APBB2: variants seen among roughly 807,000 people sequenced by gnomAD.
APBB2 encodes amyloid beta precursor protein binding family B member 2.
A neutral mutation model predicts 82.5 loss-of-function variants in APBB2; 38 were observed. The ratio of observed to expected loss-of-function variants is 0.46; its 90% CI spans 0.36 to 0.60. The LOEUF is 0.60. APBB2 is among the 20% of genes least tolerant of loss of function. The pLI is 0.00. For missense variants in APBB2, 772 were observed against 972.3 expected, an observed-to-expected ratio of 0.79 and a Z score of 2.74; for synonymous variants, 341 against 368.2, an observed-to-expected ratio of 0.93 and a Z score of 0.85.
intron 1 of APBB2, among the ~76,000 whole-genome samples, chr4:41,205,858 G>T (rs1777807078): frequency 6.6e-6 from 1 of 152,180 alleles, no homozygotes; most frequent in African/African-American, 2.4e-5. Context: ...TGAGCACTGT[G>T]TAATTCTGTT....
chr4:41,181,698 C>T (rs778204732), intron 1 of APBB2, among the ~76,000 whole-genome samples: 1 of 152,068 alleles, frequency 6.6e-6, no homozygotes, highest in Non-Finnish European at 1.5e-5. Flanking sequence ...ATAATTCCAG[C>T]ACTTTGGGAG....
chr4:41,124,671 C>T (rs1330749576), intron 2 of APBB2, among the ~76,000 whole-genome samples: 1 of 152,140 alleles, frequency 6.6e-6, no homozygotes, highest in Admixed American at 6.5e-5. Context: ...ACATTCTACC[C>T]CATGAATCTG....
intron 3 of APBB2, among the ~76,000 whole-genome samples, chr4:41,083,015 A>T (rs1442872281): frequency 6.6e-6 from 1 of 152,072 alleles, no homozygotes. Context: ...ATACAAAAAA[A>T]TTAGCCAGGC....
At chr4:41,206,269 G>A (rs73232123) in intron 1 of APBB2, among the ~76,000 whole-genome samples, 12,153 of 152,198 alleles carry the variant, frequency 0.08, 693 homozygotes, top group Non-Finnish European at 0.12. Context: ...GGAGTCACTA[G>A]CCACAGCTCT....
In APBB2 at chr4:40,815,412, C is replaced by A. The variant is rs1217404394; in HGVS notation, c.*680G>T. 3.3e-5 allele frequency: 5 copies of A among 152,482 alleles called. No individual in the cohort carries two copies. The highest frequency in any genetic ancestry group is 9.7e-5 in the African/African-American group (4 of 41,412). 9.4% of individuals were successfully genotyped at this position (152,482 alleles called of 1,614,324 possible). A position where few individuals can be genotyped will look rare whatever the true frequency, so the allele number is the denominator to read the frequency against. ...GGCTATGTTTTGTTCGATTTTAATT[C>A]CTCGAATTTAGTTTTTCATCAATTT... On this transcript the variant is annotated 3_prime_UTR_variant, in exon 18 of 18. Coordinates refer to ENST00000508593, the MANE Select transcript of APBB2 (RefSeq NM_004307.2).
rs1211979375 is a variant in APBB2 at position 40,956,003 on chromosome 4, A to T, written c.836-10930T>A. 3.3e-5 allele frequency among the ~76,000 whole-genome samples: 5 copies of T among 152,092 alleles called. No individual in the cohort carries two copies. In the East Asian group the frequency reaches 7.8e-4, roughly 24 times the overall value. ...TGGCCAGGCTGGTCTCGAACTCCCG[A>T]CGTCATGTGATCCACCTACCTCGGC... is the stretch of plus-strand genomic sequence containing the variant. On this transcript the variant is annotated intron_variant, in intron 6 of 17. Transcript: ENST00000508593.
chr4:40,917,358 G>C (rs2154366147), intron 10 of APBB2, among the ~76,000 whole-genome samples: 1 of 152,206 alleles, frequency 6.6e-6, no homozygotes, highest in South Asian at 2.1e-4. Flanking sequence ...ACTTGCCCAA[G>C]GTCTCCCGGG....
chr4:41,201,996 G>C (rs900473929), intron 1 of APBB2, among the ~76,000 whole-genome samples: 36 of 152,292 alleles, frequency 2.4e-4, no homozygotes, highest in African/African-American at 8.7e-4. Flanking sequence ...CCCGCTCCTC[G>C]GAGCTTCAGA....
At chr4:41,054,589 C>G (rs566428846) in intron 4 of APBB2, among the ~76,000 whole-genome samples, 1 of 152,172 alleles carries the variant, frequency 6.6e-6, no homozygotes, top group East Asian at 1.9e-4. Flanking sequence ...AAAGCATCCA[C>G]TACCTATAAA....
At chr4:41,117,582 C>T (rs13146006) in intron 2 of APBB2, among the ~76,000 whole-genome samples, 33,226 of 152,026 alleles carry the variant, frequency 0.22, 3,852 homozygotes, top group African/African-American at 0.24. Context: ...TGAGGCACCA[C>T]GCCTGGCCTA....
At chr4:40,821,832 AGGCGGGAG>A (rs1748055036) in intron 17 of APBB2, 31 bp downstream of exon 17, 1 of 1,606,086 alleles carries the variant, frequency 6.2e-7, no homozygotes, top group African/African-American at 1.3e-5. Flanking sequence ...AGATGAGCAG[AGGCGGGAG>A]GGCTCAACAG....
At chr4:41,198,580 C>A in intron 1 of APBB2, among the ~76,000 whole-genome samples, 1 of 152,182 alleles carries the variant, frequency 6.6e-6, no homozygotes, top group Non-Finnish European at 1.5e-5. Flanking sequence ...CCCAAGATCA[C>A]AGCATTAGAA....
At chr4:40,974,595 G>T (rs1253759846) in intron 6 of APBB2, among the ~76,000 whole-genome samples, 1 of 152,188 alleles carries the variant, frequency 6.6e-6, no homozygotes, top group East Asian at 1.9e-4. Context: ...ATTATAAGAA[G>T]GGATGCTGAA....
intron 5 of APBB2, among the ~76,000 whole-genome samples, chr4:41,016,217 G>A (rs1422780740): frequency 1.3e-5 from 2 of 152,122 alleles, no homozygotes; most frequent in African/African-American, 4.8e-5. Context: ...ATGATGCTAG[G>A]TACTATTATA....
chr4:40,875,126 G>T (rs897776057), intron 12 of APBB2, among the ~76,000 whole-genome samples: 3 of 152,172 alleles, frequency 2.0e-5, no homozygotes, highest in African/African-American at 7.2e-5. Flanking sequence ...GTCACATCGT[G>T]GGGTTTGGCT....
At chr4:41,017,725 AC>A (rs889355627) in intron 5 of APBB2, among the ~76,000 whole-genome samples, 1 of 152,128 alleles carries the variant, frequency 6.6e-6, no homozygotes, top group African/African-American at 2.4e-5. Context: ...CCCCCAGATT[AC>A]CCCCCACTCT....
chr4:40,890,247 TA>T lies in APBB2; in HGVS notation c.1529+116del, dbSNP rs1771577063. 3 of 1,355,152 alleles carry T rather than the reference TA, an allele frequency of 2.2e-6. No homozygotes were observed. The Admixed American group carries it at 8.2e-5, about 37-fold the overall frequency. The allele number at this position is 1,355,152 out of a possible 1,614,324, so 83.9% of individuals were successfully genotyped here. On this transcript the variant is annotated intron_variant, in intron 12 of 17. Coordinates refer to ENST00000508593, the MANE Select transcript of APBB2 (RefSeq NM_004307.2). ...GACAAGCTTTCATTTTTCACATTTC[TA>T]TATAGAAGCTACATGAGTTTCGTAT...
intron 10 of APBB2, among the ~76,000 whole-genome samples, chr4:40,923,121 G>A (rs1056528243): frequency 3.3e-5 from 5 of 151,576 alleles, no homozygotes; most frequent in South Asian, 2.1e-4. Flanking sequence ...GACTACAGGC[G>A]CCCGCCACCG....
chr4:41,175,406 G>A (rs575242925), intron 1 of APBB2, among the ~76,000 whole-genome samples: 14 of 151,854 alleles, frequency 9.2e-5, no homozygotes, highest in African/African-American at 2.9e-4. Flanking sequence ...TATTTCTGTC[G>A]TTTTTAAAAA....
Sources: gnomAD v4.1 joint callset for allele counts (sites outside exome capture counted in the v4.1 genomes callset) on GRCh38, gnomAD v4.1.1 for gene constraint, MANE v1.5 for transcripts, NCBI Gene and HGNC (gene_info 2026-07-23, HGNC 2026-07-21) for gene names.